CSMD1: variants seen among roughly 807,000 people sequenced by gnomAD.
The protein encoded by CSMD1 is CUB and Sushi multiple domains 1.
A neutral mutation model predicts 417.5 loss-of-function variants in CSMD1; 213 were observed. The observed-to-expected ratio is 0.51, with a 90% CI of 0.46 to 0.57. CSMD1 has a LOEUF of 0.57. CSMD1 is among the 20% of genes least tolerant of loss of function. CSMD1 has a pLI of 0.00. For missense variants in CSMD1, 6,923 were observed against 4,529.7 expected (o/e 1.53, Z -15.17); for synonymous variants, 2,862 against 1,736.8 (o/e 1.65, Z -16.11).
intron 27 of CSMD1, among the ~76,000 whole-genome samples, chr8:3,224,081 T>A (rs73660617): frequency 0.063 from 9,548 of 152,244 alleles, 398 homozygotes; most frequent in East Asian, 0.2. Context: ...GAATTTTACA[T>A]AATATTCCAC....
chr8:2,973,172 A>G lies in CSMD1; in HGVS notation c.8868T>C (p.Pro2956=). The G allele has an allele frequency of 6.2e-7, 1 of 1,613,838 alleles. No individual in the cohort carries two copies. Among genetic ancestry groups the G allele is most frequent in the Non-Finnish European group, 8.5e-7 (1 of 1,179,750 alleles). Residue 2956 remains proline (P), a synonymous_variant, in exon 57 of 70, where the codon CCT becomes CCC. Transcript: ENST00000635120. Reference sequence around the variant, plus strand: ...ACCCATTGAGCAAACACGTGCGTTCAGGGGAGCCCCTCAGCTGGTGCCCCA... The same window carrying G: ...ACCCATTGAGCAAACACGTGCGTTCGGGGGAGCCCCTCAGCTGGTGCCCCA... ...CEMGHQLRGS[P]ERTCLLNGSW...
At chr8:4,914,404 G>A (rs911704166) in intron 1 of CSMD1, among the ~76,000 whole-genome samples, 1 of 151,760 alleles carries the variant, frequency 6.6e-6, no homozygotes, top group East Asian at 1.9e-4. Flanking sequence ...GTGAAACTCC[G>A]TCTCCACTAA....
chr8:2,954,656 C>A (rs1802876491), intron 64 of CSMD1, among the ~76,000 whole-genome samples: 1 of 152,114 alleles, frequency 6.6e-6, no homozygotes, highest in East Asian at 1.9e-4. Context: ...GACCAATACC[C>A]CACCCAAATC....
chr8:3,840,412 C>T lies in CSMD1; in HGVS notation c.819-86370G>A, dbSNP rs182772247. 3.3e-5 allele frequency among the ~76,000 whole-genome samples: 5 copies of T among 152,170 alleles called. No individual in the cohort carries two copies. In the East Asian group the frequency reaches 5.8e-4, roughly 18 times the overall value. The stretch of plus-strand genomic sequence containing the variant: ...GTGTGTAAATAAGCAAAATAGATAA[C>T]GTTGTACTTTATTTTATTGTGTTAG... On this transcript the variant is annotated intron_variant, in intron 5 of 69. Coordinates refer to ENST00000635120, the MANE Select transcript of CSMD1 (RefSeq NM_033225.6).
At chr8:3,989,769 C>G (rs117202734) in intron 5 of CSMD1, among the ~76,000 whole-genome samples, 15 of 152,288 alleles carry the variant, frequency 9.8e-5, no homozygotes, top group Non-Finnish European at 1.6e-4. Context: ...TAGGCCACTA[C>G]TCATTTAAAG....
At chr8:4,582,338 G>C (rs748937352) in intron 2 of CSMD1, among the ~76,000 whole-genome samples, 1 of 152,136 alleles carries the variant, frequency 6.6e-6, no homozygotes. Context: ...AATTAGAAAA[G>C]CGGGATAAAA....
chr8:3,378,179 A>G (rs1448423729), intron 18 of CSMD1, among the ~76,000 whole-genome samples: 1 of 152,186 alleles, frequency 6.6e-6, no homozygotes, highest in African/African-American at 2.4e-5. Flanking sequence ...TAGAGTAGAA[A>G]ATAGTCTTGG....
chr8:3,083,665 T>TTA (rs1814311430), intron 49 of CSMD1, among the ~76,000 whole-genome samples: 3 of 83,658 alleles, frequency 3.6e-5, no homozygotes, highest in South Asian at 4.4e-4. Flanking sequence ...TTTTTTTTTT[T>TTA]TTTTTTTTTT....
chr8:3,536,415 G>A (rs374591136), intron 10 of CSMD1, among the ~76,000 whole-genome samples: 4 of 152,326 alleles, frequency 2.6e-5, no homozygotes, highest in South Asian at 2.1e-4. Context: ...GAGGAAGAAT[G>A]GGCTTAGAGT....
At chr8:3,215,962 A>C (rs557731776) in intron 29 of CSMD1, among the ~76,000 whole-genome samples, 1 of 150,576 alleles carries the variant, frequency 6.6e-6, no homozygotes, top group Admixed American at 6.6e-5. Flanking sequence ...CATCGTATAC[A>C]TTATATAAAG....
In CSMD1 at chr8:4,429,787, T is replaced by G. The variant is rs114368495; in HGVS notation, c.303-9722A>C. Among the ~76,000 whole-genome samples the G allele has an allele frequency of 5.8e-3, 882 of 152,252 alleles. 4 individuals are homozygous for G. The highest frequency in any genetic ancestry group is 0.02 in the African/African-American group (827 of 41,558). On this transcript the variant is annotated intron_variant, in intron 2 of 69. Transcript: ENST00000635120. ...AGTGCTCCACCCGTATTTGTTGAAA[T>G]ATACCGGCAATCCCCTCCCATCATA... is the stretch of plus-strand genomic sequence containing the variant.
chr8:3,907,178 A>C (rs1423226993), intron 5 of CSMD1, among the ~76,000 whole-genome samples: 1 of 152,210 alleles, frequency 6.6e-6, no homozygotes, highest in Middle Eastern at 3.2e-3. Context: ...GCACACACGC[A>C]TGTTACCTGA....
rs1563354503 is a variant in CSMD1 at position 3,406,057 on chromosome 8, C to A, written c.2236G>T (p.Val746Phe). ...ITCILQDGNV[V>F]WSSTVPRCEA... ...CAGCGGGGCACGGTGGAGCTCCAGA[C>A]CACGTTCCCGTCTTGCAGTATGCAG... The change falls in exon 15 of 70, where the codon GTC (valine) becomes TTC (phenylalanine). Residue 746 changes from valine to phenylalanine, a missense_variant. By Grantham distance (50) the Val-to-Phe change is conservative. Transcript: ENST00000635120. 9.9e-6 allele frequency: 16 copies of A among 1,613,942 alleles called. No individual in the cohort carries two copies. The highest frequency in any genetic ancestry group is 1.4e-5 in the Non-Finnish European group (16 of 1,179,868).
At chr8:2,990,285 T>C (rs1215576288) in intron 54 of CSMD1, among the ~76,000 whole-genome samples, 1 of 152,214 alleles carries the variant, frequency 6.6e-6, no homozygotes, top group Non-Finnish European at 1.5e-5. Flanking sequence ...GATGTGCGGA[T>C]TTCATGTATT....
At chr8:4,954,425 C>T (rs548323162) in intron 1 of CSMD1, among the ~76,000 whole-genome samples, 10 of 152,148 alleles carry the variant, frequency 6.6e-5, no homozygotes, top group Non-Finnish European at 1.0e-4. Flanking sequence ...ACTCCCAATG[C>T]TGTGCACAAT....
At chr8:3,550,740 C>G (rs1798874226) in intron 10 of CSMD1, among the ~76,000 whole-genome samples, 1 of 152,176 alleles carries the variant, frequency 6.6e-6, no homozygotes, top group Non-Finnish European at 1.5e-5. Context: ...TGAAAAGAAG[C>G]TTCATGGCCA....
At chr8:3,791,898 G>T (rs193216473) in intron 5 of CSMD1, among the ~76,000 whole-genome samples, 2 of 152,118 alleles carry the variant, frequency 1.3e-5, no homozygotes, top group East Asian at 1.9e-4. Context: ...GCAGTTTTTG[G>T]CATTGAAAGT....
intron 1 of CSMD1, among the ~76,000 whole-genome samples, chr8:4,745,274 G>A (rs2117023368): frequency 6.6e-6 from 1 of 152,224 alleles, no homozygotes; most frequent in African/African-American, 2.4e-5. Flanking sequence ...TCCTCTGGCA[G>A]AAAATTAAAA....
chr8:4,320,004 G>C (rs764283725), intron 3 of CSMD1, among the ~76,000 whole-genome samples: 1 of 152,090 alleles, frequency 6.6e-6, no homozygotes, highest in South Asian at 2.1e-4. Flanking sequence ...GGAGTATTGG[G>C]TTAAGTACTC....
Sources: gnomAD v4.1 joint callset for allele counts (sites outside exome capture counted in the v4.1 genomes callset) on GRCh38, gnomAD v4.1.1 for gene constraint, MANE v1.5 for transcripts, NCBI Gene and HGNC (gene_info 2026-07-23, HGNC 2026-07-21) for gene names.